Variants in LYPD1 observed in about 807,000 individuals in gnomAD.
The protein encoded by LYPD1 is LY6/PLAUR domain containing 1.
A neutral mutation model predicts 14.2 loss-of-function variants in LYPD1; 14 were observed. The ratio of observed to expected loss-of-function variants is 0.99; its 90% CI spans 0.65 to 1.54. LYPD1 has a LOEUF of 1.54. LYPD1 is among the 40% of genes most tolerant of loss of function. The pLI is 0.00. For missense variants in LYPD1, 165 were observed against 175.7 expected, an observed-to-expected ratio of 0.94 and a Z score of 0.34; for synonymous variants, 85 against 70.6, an observed-to-expected ratio of 1.20 and a Z score of -1.02.
At chr2:132,657,520 G>C (rs73955773) in intron 2 of LYPD1, among the ~76,000 whole-genome samples, 2,065 of 152,282 alleles carry the variant, frequency 0.014, 45 homozygotes, top group African/African-American at 0.047. Context: ...CCCAAATGTA[G>C]GGAAGAGAGA....
chr2:132,666,187 A>G (rs1261745073), intron 2 of LYPD1, among the ~76,000 whole-genome samples: 1 of 152,170 alleles, frequency 6.6e-6, no homozygotes. Context: ...ATTATACTAC[A>G]ACTGTGTTCA....
intron 2 of LYPD1, among the ~76,000 whole-genome samples, chr2:132,655,513 C>CTTTTTTTTTTTTTTTTTTTT (rs1558879316): frequency 1.6e-5 from 1 of 61,014 alleles, no homozygotes; most frequent in African/African-American, 1.2e-4. Flanking sequence ...GGTTGAGAAG[C>CTTTTTTTTTTTTTTTTTTTT]ATTTTTTTTT....
At chr2:132,653,437 C>T (rs769833248) in intron 2 of LYPD1, among the ~76,000 whole-genome samples, 2 of 152,110 alleles carry the variant, frequency 1.3e-5, no homozygotes, top group Non-Finnish European at 2.9e-5. Context: ...TTCATGCTGA[C>T]ATAGATAAAT....
intron 2 of LYPD1, among the ~76,000 whole-genome samples, chr2:132,655,395 G>T (rs1237970504): frequency 6.6e-6 from 1 of 151,968 alleles, no homozygotes; most frequent in East Asian, 1.9e-4. Flanking sequence ...ATCTGGGTGA[G>T]AAAGAAGGTT....
At chr2:132,671,382 C>A (rs1683720748), upstream of LYPD1, 1 of 152,464 alleles carries the variant, frequency 6.6e-6, no homozygotes, top group Non-Finnish European at 1.5e-5. Flanking sequence ...CCTCTTCACC[C>A]TTTTCTCCCC....
At position 132,669,709 on chromosome 2, in the gene LYPD1, T is replaced by G; in HGVS notation, c.52+172A>C. ...CCGCTCTCCTCCTGCAGCGCGGGAC[T>G]TGGACACTTTCCCAGCCTCGCGCCC... is the stretch of plus-strand genomic sequence containing the variant. On this transcript the variant is annotated intron_variant, in intron 1 of 2. Transcript: ENST00000397463. The surrounding 1 kb of genome is among the most constrained non-coding windows in gnomAD (Gnocchi z 4.3). The G allele has an allele frequency of 7.4e-7, 1 of 1,349,154 alleles. No individual in the cohort carries two copies. The highest frequency in any genetic ancestry group is 9.8e-7 in the Non-Finnish European group (1 of 1,025,464). 83.6% of individuals were successfully genotyped at this position (1,349,154 alleles called of 1,614,324 possible). A position where few individuals can be genotyped will look rare whatever the true frequency, so the allele number is the denominator to read the frequency against.
chr2:132,660,750 A>T (rs1164257832), intron 2 of LYPD1, among the ~76,000 whole-genome samples: 1 of 152,248 alleles, frequency 6.6e-6, no homozygotes, highest in African/African-American at 2.4e-5. Flanking sequence ...TCTAGAAAAA[A>T]TTAACAGAGA....
intron 2 of LYPD1, among the ~76,000 whole-genome samples, chr2:132,664,088 C>G (rs1683127398): frequency 6.6e-6 from 1 of 152,134 alleles, no homozygotes; most frequent in Non-Finnish European, 1.5e-5. Context: ...GGCATTTGAG[C>G]TTGAGTGCAT....
intron 2 of LYPD1, among the ~76,000 whole-genome samples, chr2:132,652,175 TTC>T (rs1187970734): frequency 6.6e-6 from 1 of 152,248 alleles, no homozygotes; most frequent in Non-Finnish European, 1.5e-5. Flanking sequence ...TGCATGATTT[TTC>T]TCTTAATCGC....
At chr2:132,646,354 C>T in intron 2 of LYPD1, 74 bp from the exon 3 acceptor site, 2 of 1,035,636 alleles carry the variant, frequency 1.9e-6, no homozygotes, top group African/African-American at 3.3e-5. Flanking sequence ...AGCCCAAATC[C>T]AAACGGACAG....
chr2:132,645,095 GC>G lies in LYPD1; in HGVS notation c.*949del. 1 of 1,609,314 alleles carries G rather than the reference GC, an allele frequency of 6.2e-7. No homozygotes were observed. Among genetic ancestry groups the G allele is most frequent in the South Asian group, 1.1e-5 (1 of 90,132 alleles). ...CTGTCTCTCCCTCCTGCTCGTGTCT[GC>G]CCAGGGCTGATTGTTGTGACATTGG... On this transcript the variant is annotated 3_prime_UTR_variant, in exon 3 of 3. Transcript: ENST00000397463.
At chr2:132,652,749 T>C (rs1573730843) in intron 2 of LYPD1, among the ~76,000 whole-genome samples, 1 of 152,238 alleles carries the variant, frequency 6.6e-6, no homozygotes, top group East Asian at 1.9e-4. Flanking sequence ...TTTAAAACTT[T>C]AATCCTCTTT....
intron 2 of LYPD1, among the ~76,000 whole-genome samples, chr2:132,666,404 T>C (rs1312489690): frequency 6.6e-6 from 1 of 152,198 alleles, no homozygotes; most frequent in African/African-American, 2.4e-5. Flanking sequence ...CACCCCGACC[T>C]AGCATCCTTC....
At chr2:132,653,718 T>G (rs1181035402) in intron 2 of LYPD1, among the ~76,000 whole-genome samples, 1 of 152,210 alleles carries the variant, frequency 6.6e-6, no homozygotes, top group Non-Finnish European at 1.5e-5. Flanking sequence ...CAGCAGATAC[T>G]ATCTGAATCA....
chr2:132,646,752 G>C (rs192914585), intron 2 of LYPD1, among the ~76,000 whole-genome samples: 119 of 152,310 alleles, frequency 7.8e-4, no homozygotes, highest in African/African-American at 2.7e-3. Flanking sequence ...GTTCTTTGAA[G>C]ACAGACCAAA....
chr2:132,669,973 G>T lies in LYPD1; in HGVS notation c.-41C>A. On this transcript the variant is annotated 5_prime_UTR_variant, in exon 1 of 3. In the 5' UTR this introduces an upstream ATG that the reference lacks. Coordinates refer to ENST00000397463, the MANE Select transcript of LYPD1 (RefSeq NM_144586.7). The surrounding 1 kb of genome is among the most constrained non-coding windows in gnomAD (Gnocchi z 4.3). ...GGGCCGGGAGAGGGCAAGCGCATCA[G>T]AGGAGGCGACAGCAGCGGAGGCTGC... 1 of 1,606,458 alleles carries T rather than the reference G, an allele frequency of 6.2e-7. No homozygotes were observed. Among genetic ancestry groups the T allele is most frequent in the South Asian group, 1.1e-5 (1 of 90,682 alleles).
At chr2:132,658,671 C>T (rs1174737819) in intron 2 of LYPD1, among the ~76,000 whole-genome samples, 1 of 152,184 alleles carries the variant, frequency 6.6e-6, no homozygotes, top group Non-Finnish European at 1.5e-5. Flanking sequence ...GTTTGCTTCC[C>T]TTTGTGGTTT....
In LYPD1 at chr2:132,670,173, C is replaced by G; in HGVS notation, c.-241G>C. 2.3e-6 allele frequency: 3 copies of G among 1,317,964 alleles called. No individual in the cohort carries two copies. The highest frequency in any genetic ancestry group is 1.9e-6 in the Non-Finnish European group (2 of 1,029,916). 81.6% of individuals were successfully genotyped at this position (1,317,964 alleles called of 1,614,324 possible). On this transcript the variant is annotated 5_prime_UTR_variant, in exon 1 of 3. Transcript: ENST00000397463. This position sits in a 1 kb window ranked among gnomAD's most constrained non-coding sequence, Gnocchi z 4.5. Reference sequence around the variant, plus strand: ...CCGCTCGCGCTCCCGGGCCGAGCACCGCGCCTCCGGAGTTGGCGGCTGAGA... The same window carrying G: ...CCGCTCGCGCTCCCGGGCCGAGCACGGCGCCTCCGGAGTTGGCGGCTGAGA...
At chr2:132,657,168 A>C (rs187336913) in intron 2 of LYPD1, among the ~76,000 whole-genome samples, 28 of 152,316 alleles carry the variant, frequency 1.8e-4, no homozygotes, top group Admixed American at 7.2e-4. Flanking sequence ...TAGCAAGCAA[A>C]CAACCAACCC....
Sources: allele counts gnomAD v4.1 joint callset (sites outside exome capture counted in the v4.1 genomes callset), GRCh38; gene constraint gnomAD v4.1.1; non-coding constraint Gnocchi (gnomAD v3.1); transcripts MANE v1.5; gene names NCBI Gene and HGNC (gene_info 2026-07-23, HGNC 2026-07-21).